Variants in ST3GAL3 observed in about 807,000 individuals in gnomAD.
ST3GAL3 encodes the protein ST3 beta-galactoside alpha-2,3-sialyltransferase 3, also known as CMP-N-acetylneuraminate-beta-1,4-galactoside alpha-2,3-sialyltransferase.
In ST3GAL3, 21 loss-of-function variants were observed where a neutral mutation model predicts 50.1. The observed-to-expected ratio is 0.42, with a 90% CI of 0.30 to 0.60. The LOEUF is 0.60. Among genes scored for constraint, ST3GAL3 ranks in the 20% least tolerant of loss-of-function variants. The probability of loss-of-function intolerance (pLI) is 0.19; values close to 1 mark genes in which losing one functional copy is unlikely to be tolerated. For missense variants in ST3GAL3, 353 were observed against 489.4 expected (o/e 0.72, Z 2.63); for synonymous variants, 183 against 190.0 (o/e 0.96, Z 0.30).
chr1:43,850,689 G>A (rs1405719378), intron 5 of ST3GAL3: 4 of 728,128 alleles, frequency 5.5e-6, no homozygotes, highest in African/African-American at 1.7e-5. Context: ...ATGTTTATCA[G>A]AACAACCTGT....
At chr1:43,771,364 GTT>G (rs397943226) in intron 2 of ST3GAL3, among the ~76,000 whole-genome samples, 4 of 143,054 alleles carry the variant, frequency 2.8e-5, no homozygotes, top group Admixed American at 7.0e-5. Context: ...GCGACTTTTT[GTT>G]TTTTTTTTTT....
chr1:43,708,651 A>G (rs1169400437), intron 1 of ST3GAL3, among the ~76,000 whole-genome samples: 2 of 152,234 alleles, frequency 1.3e-5, no homozygotes, highest in African/African-American at 4.8e-5. Flanking sequence ...TTATAGCCAA[A>G]TGATACTTTC....
intron 2 of ST3GAL3, among the ~76,000 whole-genome samples, chr1:43,779,509 A>G (rs1409336675): frequency 6.6e-6 from 1 of 152,200 alleles, no homozygotes; most frequent in African/African-American, 2.4e-5. Flanking sequence ...TAACTCTTTT[A>G]GGTAACTTGT....
At chr1:43,867,152 C>T (rs925805369) in intron 5 of ST3GAL3, among the ~76,000 whole-genome samples, 1 of 152,132 alleles carries the variant, frequency 6.6e-6, no homozygotes, top group African/African-American at 2.4e-5. Context: ...GCCATCAGAT[C>T]TCGTGAGACT....
intron 1 of ST3GAL3, among the ~76,000 whole-genome samples, chr1:43,733,925 T>C (rs1677039637): frequency 6.6e-6 from 1 of 152,184 alleles, no homozygotes; most frequent in Admixed American, 6.5e-5. Context: ...CTGGCCAACA[T>C]GGTGAAACCC....
intron 5 of ST3GAL3, among the ~76,000 whole-genome samples, chr1:43,848,294 CTT>C (rs58438507): frequency 4.3e-5 from 3 of 70,378 alleles, no homozygotes; most frequent in Non-Finnish European, 7.5e-5. Context: ...TTGTGGTTTT[CTT>C]TTTTTTTTTT....
chr1:43,820,778 A>C (rs2061992712), intron 4 of ST3GAL3, among the ~76,000 whole-genome samples: 1 of 152,226 alleles, frequency 6.6e-6, no homozygotes, highest in African/African-American at 2.4e-5. Context: ...TTGTTGAAGA[A>C]GGCAGAACTT....
chr1:43,878,350 A>T (rs866048957), intron 5 of ST3GAL3, among the ~76,000 whole-genome samples: 4 of 152,234 alleles, frequency 2.6e-5, no homozygotes, highest in African/African-American at 9.6e-5. Flanking sequence ...ACAACTAAGA[A>T]GTAAAATATT....
rs771775326 is a variant in ST3GAL3, at chr1:43,898,241, T to A, written c.404T>A (p.Leu135Gln). Residue 135 changes from leucine (L) to glutamine (Q), a missense_variant, in exon 7 of 12, where the codon CTG (leucine) becomes CAG (glutamine). By Grantham distance (113) the Leu-to-Gln change is moderately radical. Coordinates refer to ENST00000347631, the MANE Select transcript of ST3GAL3 (RefSeq NM_006279.5). The stretch of plus-strand genomic sequence containing the variant: ...CTCTCTCCTCTGTCTGCAGACAATC[T>A]GATCAAAGCCATCTTGTCAGTCACC... Reference protein sequence around the residue: ...PPFGIKGQDNLIKAILSVTKE... With the variant: ...PPFGIKGQDNQIKAILSVTKE... 4.3e-6 allele frequency: 7 copies of A among 1,613,846 alleles called. No individual in the cohort carries two copies. The South Asian group carries it at 7.7e-5, about 18-fold the overall frequency.
chr1:43,864,945 G>A (rs753333757), intron 5 of ST3GAL3, among the ~76,000 whole-genome samples: 5 of 152,022 alleles, frequency 3.3e-5, no homozygotes, highest in South Asian at 2.1e-4. Context: ...GAACATCCCT[G>A]TGAAGCACCC....
At chr1:43,894,549 A>G (rs1232703786) in intron 6 of ST3GAL3, 72 bp downstream of exon 6, 4 of 1,379,292 alleles carry the variant, frequency 2.9e-6, no homozygotes, top group East Asian at 2.3e-5. Flanking sequence ...AGACAAGGCT[A>G]CATCCTCAGA....
chr1:43,878,542 CA>C (rs1245000126), intron 5 of ST3GAL3, among the ~76,000 whole-genome samples: 3 of 152,048 alleles, frequency 2.0e-5, no homozygotes, highest in African/African-American at 7.3e-5. Context: ...ACATTCCAGG[CA>C]GAGGAAACAG....
chr1:43,848,226 C>T (rs2066595436), intron 5 of ST3GAL3, among the ~76,000 whole-genome samples: 1 of 149,868 alleles, frequency 6.7e-6, no homozygotes, highest in Non-Finnish European at 1.5e-5. Flanking sequence ...TTCTGGCTGC[C>T]TGTTGAGATT....
At chr1:43,841,513 G>GCC (rs1183350362) in intron 5 of ST3GAL3, 3 of 152,328 alleles carry the variant, frequency 2.0e-5, no homozygotes, top group Admixed American at 2.0e-4. Context: ...AGCCTGAGCT[G>GCC]TACCTTGCCC....
At position 43,851,509 on chromosome 1, in the gene ST3GAL3, A is replaced by G. The variant is rs570120619; in HGVS notation, c.302+13198A>G. ...CTGCCTTAGTATCTCTGGCCCGGGT[A>G]CCCCTCAGAGTATTTGTTATTTAAG... On this transcript the variant is annotated intron_variant, in intron 5 of 11. Coordinates refer to ENST00000347631, the MANE Select transcript of ST3GAL3 (RefSeq NM_006279.5). 2.5e-6 allele frequency: 4 copies of G among 1,599,042 alleles called. No individual in the cohort carries two copies. In the African/African-American group the frequency reaches 5.4e-5, roughly 21 times the overall value.
intron 2 of ST3GAL3, among the ~76,000 whole-genome samples, chr1:43,740,332 A>G (rs1435089387): frequency 2.0e-5 from 3 of 149,548 alleles, no homozygotes. Context: ...AGCAAGACTC[A>G]GTCTCAAAAA....
At chr1:43,713,815 C>T (rs549211670) in intron 1 of ST3GAL3, among the ~76,000 whole-genome samples, 4 of 152,180 alleles carry the variant, frequency 2.6e-5, no homozygotes, top group South Asian at 2.1e-4. Context: ...GGTTTACACG[C>T]GTGAGCCACT....
At chr1:43,843,884 T>G (rs1334660182) in intron 5 of ST3GAL3, among the ~76,000 whole-genome samples, 4 of 152,204 alleles carry the variant, frequency 2.6e-5, no homozygotes, top group African/African-American at 7.2e-5. Context: ...ATCCCACAGG[T>G]TGACGGCCGA....
intron 3 of ST3GAL3, among the ~76,000 whole-genome samples, chr1:43,814,641 A>C (rs1477159084): frequency 6.6e-6 from 1 of 152,258 alleles, no homozygotes; most frequent in Non-Finnish European, 1.5e-5. Flanking sequence ...GAAGGAAGAC[A>C]GTTGTATACC....
Sources: gnomAD v4.1 joint callset for allele counts (sites outside exome capture counted in the v4.1 genomes callset) on GRCh38, gnomAD v4.1.1 for gene constraint, MANE v1.5 for transcripts, NCBI Gene and HGNC (gene_info 2026-07-23, HGNC 2026-07-21) for gene names.